Variants in PRDM5 observed in about 807,000 individuals in gnomAD.
PRDM5 encodes the protein PR/SET domain 5.
PRDM5 carries 56 observed loss-of-function variants against 81.2 expected under a neutral mutation model. The ratio of observed to expected loss-of-function variants is 0.69; its 90% CI spans 0.56 to 0.86. The LOEUF is 0.86. PRDM5 is among the 40% of genes least tolerant of loss of function. The probability of loss-of-function intolerance (pLI) is 0.00; values close to 1 mark genes in which losing one functional copy is unlikely to be tolerated. For missense variants in PRDM5, 697 were observed against 770.1 expected (o/e 0.91, Z 1.12); for synonymous variants, 267 against 256.4 (o/e 1.04, Z -0.39).
chr4:120,725,499 G>T (rs952316986), intron 14 of PRDM5, among the ~76,000 whole-genome samples: 2 of 152,054 alleles, frequency 1.3e-5, no homozygotes, highest in Non-Finnish European at 2.9e-5. Flanking sequence ...ATAGGCCTTG[G>T]TGACTTTTTA....
rs530588929 is a variant in PRDM5 at position 120,852,399 on chromosome 4, T to C, written c.300+1019A>G. On this transcript the variant is annotated intron_variant, in intron 3 of 15. Transcript: ENST00000264808. The stretch of plus-strand genomic sequence containing the variant: ...ATAAAGTATATTGCCCTCCATAATG[T>C]GGGTGGGCCTCATCCAATCATGCTG... Among the ~76,000 whole-genome samples the C allele has an allele frequency of 1.1e-3, 163 of 152,204 alleles. 1 individual carries two copies. Among genetic ancestry groups the C allele is most frequent in the Middle Eastern group, 0.01 (3 of 294 alleles).
At chr4:120,823,595 T>C (rs1194196840) in intron 3 of PRDM5, among the ~76,000 whole-genome samples, 2 of 152,242 alleles carry the variant, frequency 1.3e-5, no homozygotes, top group African/African-American at 4.8e-5. Context: ...CTTCCTTGCA[T>C]ACACTGCACT....
At chr4:120,701,610 T>C (rs938363271) in intron 15 of PRDM5, among the ~76,000 whole-genome samples, 10 of 152,252 alleles carry the variant, frequency 6.6e-5, no homozygotes, top group Admixed American at 2.0e-4. Flanking sequence ...TATTCTCTTA[T>C]AAGTGGGAGC....
intron 14 of PRDM5, among the ~76,000 whole-genome samples, chr4:120,750,735 A>G (rs550837547): frequency 4.5e-4 from 68 of 151,884 alleles, no homozygotes; most frequent in African/African-American, 1.5e-3. Flanking sequence ...CACAAAACAG[A>G]CATTCAATCA....
intron 14 of PRDM5, among the ~76,000 whole-genome samples, chr4:120,748,647 A>G (rs1743507032): frequency 6.6e-6 from 1 of 151,838 alleles, no homozygotes; most frequent in South Asian, 2.1e-4. Flanking sequence ...TCTCTCAAAA[A>G]AAAAAAAAAT....
At chr4:120,843,322 G>A (rs1758255559) in intron 3 of PRDM5, among the ~76,000 whole-genome samples, 1 of 152,078 alleles carries the variant, frequency 6.6e-6, no homozygotes, top group African/African-American at 2.4e-5. Flanking sequence ...GGGCAACAGA[G>A]AGAGACCCTG....
In PRDM5 at chr4:120,838,765, C is replaced by T. The variant is rs572624846; in HGVS notation, c.300+14653G>A. The T allele has an allele frequency of 4.4e-4, 70 of 160,046 alleles. No individual in the cohort carries two copies. In the Middle Eastern group the frequency reaches 0.013, roughly 29 times the overall value. The allele number at this position is 160,046 out of a possible 1,614,324, so 9.9% of individuals were successfully genotyped here. A position where few individuals can be genotyped will look rare whatever the true frequency, so the allele number is the denominator to read the frequency against. On this transcript the variant is annotated intron_variant, in intron 3 of 15. Transcript: ENST00000264808. ...CTGGAAACCTCTGTGGCCAGTCGTG[C>T]CTTTGCCCAAATTTTTGCTTCAGCC...
At position 120,892,271 on chromosome 4, in the gene PRDM5, C is replaced by T. The variant is rs116395821; in HGVS notation, c.177+15203G>A. Among the ~76,000 whole-genome samples, 826 of 151,890 alleles carry T rather than the reference C, an allele frequency of 5.4e-3. 12 individuals carry two copies. Among genetic ancestry groups the T allele is most frequent in the African/African-American group, 0.019 (795 of 41,410 alleles). ...TTTTAGAGTATGTACCACCTGCAGA[C>T]GAGAAAAATGTATATTCTGTTATTT... On this transcript the variant is annotated intron_variant, in intron 2 of 15. Coordinates refer to ENST00000264808, the MANE Select transcript of PRDM5 (RefSeq NM_018699.4).
chr4:120,817,843 A>T (rs1754744198), intron 5 of PRDM5, among the ~76,000 whole-genome samples: 1 of 152,212 alleles, frequency 6.6e-6, no homozygotes, highest in African/African-American at 2.4e-5. Context: ...TCATATTGTT[A>T]TAACTGGGAC....
chr4:120,867,352 T>C (rs1043954115), intron 2 of PRDM5, among the ~76,000 whole-genome samples: 1 of 152,210 alleles, frequency 6.6e-6, no homozygotes, highest in Non-Finnish European at 1.5e-5. Flanking sequence ...CAGTTCCTCT[T>C]ATAAAATAAA....
intron 13 of PRDM5, among the ~76,000 whole-genome samples, chr4:120,773,956 T>C (rs2149216761): frequency 6.6e-6 from 1 of 152,346 alleles, no homozygotes. Flanking sequence ...GTATTTTCTA[T>C]AAAAATATGT....
At chr4:120,854,059 T>C (rs1268379585) in intron 2 of PRDM5, among the ~76,000 whole-genome samples, 1 of 152,204 alleles carries the variant, frequency 6.6e-6, no homozygotes, top group Non-Finnish European at 1.5e-5. Context: ...TGTTATGCTC[T>C]TTACTTGTGA....
chr4:120,897,172 G>A (rs540140799), intron 2 of PRDM5: 3 of 152,156 alleles, frequency 2.0e-5, no homozygotes, highest in African/African-American at 4.8e-5. Flanking sequence ...TCACATAGAA[G>A]TGACTCAAAG....
Position 120,804,614 on chromosome 4 carries a change from A to G in PRDM5, c.946-4869T>C, listed in dbSNP as rs7696159. ...CCTGAATGATTACTGGGTACATAACAAAATGAAGGCAGAAATAAAGATGTT... is the reference window on the plus strand; with the variant it reads ...CCTGAATGATTACTGGGTACATAACGAAATGAAGGCAGAAATAAAGATGTT... On this transcript the variant is annotated intron_variant, in intron 8 of 15. Transcript: ENST00000264808. 8.6e-3 allele frequency among the ~76,000 whole-genome samples: 1,310 copies of G among 152,274 alleles called. 21 individuals carry two copies. Among genetic ancestry groups the G allele is most frequent in the African/African-American group, 0.03 (1,241 of 41,564 alleles).
chr4:120,715,643 T>C (rs778367277), intron 14 of PRDM5, among the ~76,000 whole-genome samples: 19 of 152,330 alleles, frequency 1.2e-4, no homozygotes, highest in Non-Finnish European at 2.4e-4. Context: ...CCAAATATTC[T>C]ACTTAAACTT....
intron 13 of PRDM5, among the ~76,000 whole-genome samples, chr4:120,757,759 T>C (rs999419708): frequency 6.6e-6 from 1 of 151,794 alleles, no homozygotes; most frequent in African/African-American, 2.4e-5. Flanking sequence ...CACTCATCTT[T>C]CTCTTCTTTC....
intron 14 of PRDM5, among the ~76,000 whole-genome samples, chr4:120,739,801 A>C (rs867531533): frequency 6.6e-5 from 10 of 152,046 alleles, no homozygotes; most frequent in Non-Finnish European, 2.9e-5. Context: ...CTAACTGGGA[A>C]ATTTAAAACT....
intron 3 of PRDM5, among the ~76,000 whole-genome samples, chr4:120,828,253 T>G (rs1031626696): frequency 6.6e-6 from 1 of 152,098 alleles, no homozygotes; most frequent in Admixed American, 6.6e-5. Flanking sequence ...AAGAATTGTT[T>G]TGAGGATTAA....
At chr4:120,853,782 T>C (rs896893202) in intron 2 of PRDM5, among the ~76,000 whole-genome samples, 2 of 152,216 alleles carry the variant, frequency 1.3e-5, no homozygotes, top group African/African-American at 4.8e-5. Flanking sequence ...CATCCTACGT[T>C]GATAGTTGTT....
Sources: gnomAD v4.1 joint callset for allele counts (sites outside exome capture counted in the v4.1 genomes callset) on GRCh38, gnomAD v4.1.1 for gene constraint, MANE v1.5 for transcripts, NCBI Gene and HGNC (gene_info 2026-07-23, HGNC 2026-07-21) for gene names.